The following ZBTB40 variants were observed in gnomAD, a reference collection of about 807,000 sequenced individuals.
The protein encoded by ZBTB40 is zinc finger and BTB domain containing 40, also known as zinc finger and BTB domain-containing protein 40.
ZBTB40 carries 60 observed loss-of-function variants against 117.5 expected under a neutral mutation model. The ratio of observed to expected loss-of-function variants is 0.51; its 90% confidence interval spans 0.41 to 0.63. The LOEUF (loss-of-function observed/expected upper bound fraction) is 0.63, where lower values mean the gene tolerates loss of function less well. ZBTB40 is among the 30% of genes least tolerant of loss of function. The pLI, the probability that ZBTB40 is intolerant of heterozygous loss-of-function variation, is 0.00. For synonymous variants in ZBTB40, 525 were observed against 577.1 expected, an observed-to-expected ratio of 0.91 and a Z score of 1.29; for missense variants, 1,287 against 1,498.5, an observed-to-expected ratio of 0.86 and a Z score of 2.33.
chr1:22,470,232 T>C (rs1012921373), intron 1 of ZBTB40, among the ~76,000 whole-genome samples: 2 of 152,238 alleles, frequency 1.3e-5, no homozygotes, highest in African/African-American at 4.8e-5. Flanking sequence ...CTGAATTACA[T>C]AATCTCTGAG....
At position 22,429,405 on chromosome 1, in the gene ZBTB40, AC is replaced by A. The variant is rs199813218; in HGVS notation, c.-70+392del. Among the ~76,000 whole-genome samples, 1,398 of 152,118 alleles carry A rather than the reference AC, an allele frequency of 9.2e-3. 17 individuals are homozygous for A. Among genetic ancestry groups the A allele is most frequent in the African/African-American group, 0.032 (1,325 of 41,504 alleles). On this transcript the variant is annotated intron_variant, in intron 1 of 8. Coordinates refer to the ZBTB40 transcript ENST00000650433. ...CAAAAAAAAAAAGAAAGAAATTCTTACTGATCGCAAAGTCACAAAGGCATTT... is the reference window on the plus strand; with the variant it reads ...CAAAAAAAAAAAGAAAGAAATTCTTATGATCGCAAAGTCACAAAGGCATTT...
chr1:22,481,787 C>CAAAAAAAAAAAAAA (rs766474050), intron 1 of ZBTB40, among the ~76,000 whole-genome samples: 1 of 64,302 alleles, frequency 1.6e-5, no homozygotes, highest in African/African-American at 6.9e-5. Context: ...CTTGTTTTAC[C>CAAAAAAAAAAAAAA]AAAAAAAAAA....
intron 1 of ZBTB40, among the ~76,000 whole-genome samples, chr1:22,486,046 T>C (rs1638457827): frequency 6.6e-6 from 1 of 152,030 alleles, no homozygotes; most frequent in Non-Finnish European, 1.5e-5. Flanking sequence ...TATATCTGAG[T>C]CTGGTTTTGA....
chr1:22,465,727 T>C (rs1334883588), intron 1 of ZBTB40, among the ~76,000 whole-genome samples: 1 of 149,592 alleles, frequency 6.7e-6, no homozygotes, highest in Non-Finnish European at 1.5e-5. Context: ...CCCCCAAGAG[T>C]GCAGGGATGC....
chr1:22,486,024 G>A (rs779892753), intron 1 of ZBTB40, among the ~76,000 whole-genome samples: 7 of 151,632 alleles, frequency 4.6e-5, no homozygotes, highest in Non-Finnish European at 5.9e-5. Context: ...GTGCTAATTC[G>A]GACATTCTTG....
chr1:22,448,627 C>T (rs1308490887), upstream of ZBTB40, among the ~76,000 whole-genome samples: 2 of 152,092 alleles, frequency 1.3e-5, no homozygotes, highest in African/African-American at 2.4e-5. Flanking sequence ...TATTTACGCC[C>T]TCTAAGTCTG....
intron 9 of ZBTB40, among the ~76,000 whole-genome samples, chr1:22,509,571 C>G (rs149863425): frequency 6.6e-6 from 1 of 152,234 alleles, no homozygotes; most frequent in Non-Finnish European, 1.5e-5. Flanking sequence ...TGGTCTCGAA[C>G]TCCTGGCCTC....
chr1:22,524,470 T>G (rs757172518), intron 17 of ZBTB40, 26 bp downstream of exon 17: 1 of 1,607,838 alleles, frequency 6.2e-7, no homozygotes, highest in Non-Finnish European at 8.5e-7. Flanking sequence ...TCAGCTACAT[T>G]AGAATGCTAA....
intron 1 of ZBTB40, among the ~76,000 whole-genome samples, chr1:22,478,668 G>A (rs562990449): frequency 6.6e-6 from 1 of 152,218 alleles, no homozygotes; most frequent in East Asian, 1.9e-4. Flanking sequence ...CACATAGTAA[G>A]CACTCATTAT....
intron 1 of ZBTB40, among the ~76,000 whole-genome samples, chr1:22,484,945 C>T (rs1183183071): frequency 6.6e-6 from 1 of 152,194 alleles, no homozygotes; most frequent in Non-Finnish European, 1.5e-5. Flanking sequence ...CGATGGATCA[C>T]ATTAATTGAT....
At chr1:22,484,704 A>C (rs1638418619) in intron 1 of ZBTB40, among the ~76,000 whole-genome samples, 1 of 152,234 alleles carries the variant, frequency 6.6e-6, no homozygotes, top group South Asian at 2.1e-4. Flanking sequence ...GAACTGGGAT[A>C]TCCCAGCCTT....
intron 1 of ZBTB40, among the ~76,000 whole-genome samples, chr1:22,452,395 T>C (rs745710219): frequency 1.1e-4 from 16 of 152,254 alleles, no homozygotes; most frequent in Non-Finnish European, 2.2e-4. Context: ...GCCTAATCCA[T>C]GCCCCCCTTC....
rs778253279 is a variant in ZBTB40 at position 22,490,611 on chromosome 1, C to T, written c.663C>T (p.Thr221=). The change falls in exon 2 of 18, where the codon ACC becomes ACT. Residue 221 remains threonine, a synonymous_variant. Coordinates refer to ENST00000375647, the MANE Select transcript of ZBTB40 (RefSeq NM_014870.4). The part of the protein sequence containing the change: ...EACSPSPAVQ[T]FSEAKKTSTE... ...GTTCCCCCTCCCCTGCTGTGCAAAC[C>T]TTTAGTGAGGCAAAGAAGACAAGCA... The T allele has an allele frequency of 1.2e-6, 2 of 1,613,902 alleles. No individual in the cohort carries two copies. Among genetic ancestry groups the T allele is most frequent in the East Asian group, 4.5e-5 (2 of 44,872 alleles).
chr1:22,452,168 C>G (rs554478002), intron 1 of ZBTB40, among the ~76,000 whole-genome samples, 164 bp downstream of exon 1: 35 of 152,318 alleles, frequency 2.3e-4, no homozygotes, highest in Non-Finnish European at 4.3e-4. Flanking sequence ...CGTGCCCCCT[C>G]CAGGGGCGGT....
At position 22,513,698 on chromosome 1, in the gene ZBTB40, C is replaced by T; in HGVS notation, c.2668+568C>T. ...CCTGGGCAACAGAGTGAGACTCCGTCTCAAAAATAATAATAATAATAAATA... is the reference window on the plus strand; with the variant it reads ...CCTGGGCAACAGAGTGAGACTCCGTTTCAAAAATAATAATAATAATAAATA... On this transcript the variant is annotated intron_variant, in intron 12 of 17. Coordinates refer to ENST00000375647, the MANE Select transcript of ZBTB40 (RefSeq NM_014870.4). This position sits in a 1 kb window ranked among gnomAD's most constrained non-coding sequence, Gnocchi z 4.9. 6.6e-6 allele frequency among the ~76,000 whole-genome samples: 1 copy of T among 152,026 alleles called. No individual in the cohort carries two copies. Among genetic ancestry groups the T allele is most frequent in the East Asian group, 1.9e-4 (1 of 5,182 alleles).
intron 3 of ZBTB40, among the ~76,000 whole-genome samples, chr1:22,495,492 G>A (rs934513174): frequency 3.3e-5 from 5 of 151,878 alleles, no homozygotes; most frequent in African/African-American, 9.7e-5. Flanking sequence ...TTTTGTGCTA[G>A]GTTTTTTTTG....
chr1:22,450,921 G>A (rs1557477230), upstream of ZBTB40, among the ~76,000 whole-genome samples: 1 of 152,238 alleles, frequency 6.6e-6, no homozygotes, highest in Non-Finnish European at 1.5e-5. Context: ...GACAGAAAAA[G>A]TGGCTGCATG....
At chr1:22,509,303 A>C (rs1639167097) in intron 9 of ZBTB40, 70 bp downstream of exon 9, 1 of 1,603,404 alleles carries the variant, frequency 6.2e-7, no homozygotes, top group Non-Finnish European at 8.5e-7. Flanking sequence ...CTTCATTCCT[A>C]AGAGAGGAAC....
At chr1:22,521,690 G>A (rs753665678) in intron 15 of ZBTB40, 32 bp downstream of exon 15, 1 of 1,614,152 alleles carries the variant, frequency 6.2e-7, no homozygotes, top group Non-Finnish European at 8.5e-7. Flanking sequence ...CAGAGAGCGG[G>A]AGGGGCTTGA....
Sources: allele counts gnomAD v4.1 joint callset (sites outside exome capture counted in the v4.1 genomes callset), GRCh38; gene constraint gnomAD v4.1.1; non-coding constraint Gnocchi (gnomAD v3.1); transcripts MANE v1.5; gene names NCBI Gene and HGNC (gene_info 2026-07-23, HGNC 2026-07-21).